MAPKAPK2: variants seen among roughly 807,000 people sequenced by gnomAD.
MAPKAPK2 encodes the protein MAPK activated protein kinase 2, also known as MAP kinase-activated protein kinase 2.
A neutral mutation model predicts 48.8 loss-of-function variants in MAPKAPK2; 9 were observed. That is an observed-to-expected ratio of 0.18 (90% CI 0.11 to 0.32). MAPKAPK2 has a LOEUF of 0.32. Among genes scored for constraint, MAPKAPK2 ranks in the 10% least tolerant of loss-of-function variants. The pLI, the probability that MAPKAPK2 is intolerant of heterozygous loss-of-function variation, is 1.00. For missense variants in MAPKAPK2, 331 were observed against 498.3 expected (o/e 0.66, Z 3.20); for synonymous variants, 202 against 190.6 (o/e 1.06, Z -0.49).
At chr1:206,685,834 C>G (rs1672271978) in intron 1 of MAPKAPK2, among the ~76,000 whole-genome samples, 1 of 152,088 alleles carries the variant, frequency 6.6e-6, no homozygotes, top group East Asian at 1.9e-4. Flanking sequence ...TAATTTCACT[C>G]CATCTCAAGG....
In MAPKAPK2 at chr1:206,727,696, C is replaced by T. The variant is rs562043828; in HGVS notation, c.280-1014C>T. Among the ~76,000 whole-genome samples, 37 of 152,246 alleles carry T rather than the reference C, an allele frequency of 2.4e-4. No homozygotes were observed. In the South Asian group the frequency reaches 7.7e-3, roughly 32 times the overall value. On this transcript the variant is annotated intron_variant, in intron 1 of 9. Coordinates refer to ENST00000367103, the MANE Select transcript of MAPKAPK2 (RefSeq NM_032960.4). Reference sequence around the variant, plus strand: ...AGTGCAGTGGCGTGATCTCGGCTCGCTGCAAGCTCCACCTCTCAGGGTTCA... The same window carrying T: ...AGTGCAGTGGCGTGATCTCGGCTCGTTGCAAGCTCCACCTCTCAGGGTTCA...
At chr1:206,716,599 T>C (rs989142097) in intron 1 of MAPKAPK2, among the ~76,000 whole-genome samples, 9 of 152,164 alleles carry the variant, frequency 5.9e-5, no homozygotes, top group Non-Finnish European at 8.8e-5. Flanking sequence ...TATACGTTGC[T>C]GTGAGTCTCA....
At chr1:206,720,080 TCTC>T (rs1167641325) in intron 1 of MAPKAPK2, among the ~76,000 whole-genome samples, 2 of 152,180 alleles carry the variant, frequency 1.3e-5, no homozygotes, top group African/African-American at 2.4e-5. Flanking sequence ...TGCTCATGTG[TCTC>T]CTCCTGTGTC....
intron 1 of MAPKAPK2, among the ~76,000 whole-genome samples, chr1:206,698,965 G>GGGTCCTT (rs1672711281): frequency 6.6e-6 from 1 of 152,142 alleles, no homozygotes; most frequent in African/African-American, 2.4e-5. Context: ...ATGGTCCTTT[G>GGGTCCTT]TGACTCCATT....
intron 1 of MAPKAPK2, among the ~76,000 whole-genome samples, chr1:206,727,134 T>G (rs797035065): frequency 3.3e-5 from 5 of 152,150 alleles, no homozygotes; most frequent in African/African-American, 1.2e-4. Flanking sequence ...TGACTTCCCA[T>G]GAAGATGCTA....
intron 1 of MAPKAPK2, among the ~76,000 whole-genome samples, chr1:206,696,457 G>A (rs1205306167): frequency 1.3e-5 from 2 of 152,174 alleles, no homozygotes; most frequent in African/African-American, 4.8e-5. Context: ...TAATCTCAGT[G>A]CTTTGGAAGG....
Position 206,731,949 on chromosome 1 carries a change from C to T in MAPKAPK2, c.1059+30C>T, listed in dbSNP as rs782603935. ...GGGGCACCACTGGGTGAGAGGGGCTCCAGGTGGGGTGGGCGGCTTGCGGGG... is the reference window on the plus strand; with the variant it reads ...GGGGCACCACTGGGTGAGAGGGGCTTCAGGTGGGGTGGGCGGCTTGCGGGG... On this transcript the variant is annotated intron_variant, in intron 9 of 9. Coordinates refer to ENST00000367103, the MANE Select transcript of MAPKAPK2 (RefSeq NM_032960.4). The surrounding 1 kb of genome is among the most constrained non-coding windows in gnomAD (Gnocchi z 5.9). The T allele has an allele frequency of 3.7e-6, 6 of 1,614,060 alleles. No homozygotes were observed. The East Asian group carries it at 6.7e-5, about 18-fold the overall frequency.
At chr1:206,724,549 CT>C (rs11405091) in intron 1 of MAPKAPK2, among the ~76,000 whole-genome samples, 2,835 of 134,490 alleles carry the variant, frequency 0.021, 54 homozygotes, top group African/African-American at 0.071. Flanking sequence ...ATGACCAGTC[CT>C]TTTTTTTTTT....
At chr1:206,725,897 C>T (rs1396230182) in intron 1 of MAPKAPK2, among the ~76,000 whole-genome samples, 1 of 151,974 alleles carries the variant, frequency 6.6e-6, no homozygotes, top group Non-Finnish European at 1.5e-5. Flanking sequence ...TCTTCTTCTG[C>T]CCCCCACTAG....
intron 1 of MAPKAPK2, among the ~76,000 whole-genome samples, chr1:206,714,004 G>A (rs781847821): frequency 5.3e-5 from 8 of 152,192 alleles, no homozygotes; most frequent in Non-Finnish European, 1.2e-4. Context: ...GAGAGAGTCT[G>A]AGGATGAGTA....
intron 1 of MAPKAPK2, among the ~76,000 whole-genome samples, chr1:206,706,301 A>G (rs1256779781): frequency 2.6e-5 from 4 of 151,912 alleles, no homozygotes; most frequent in Admixed American, 2.6e-4. Context: ...GGCCACAGCC[A>G]CAGAGACCCA....
intron 1 of MAPKAPK2, chr1:206,696,356 C>T (rs1553427068): frequency 4.3e-5 from 30 of 698,892 alleles, no homozygotes; most frequent in Non-Finnish European, 7.8e-6. Context: ...TGAAAACCTA[C>T]ATCTTCATTA....
rs186406351 is a variant in MAPKAPK2, at chr1:206,731,733, C to T, written c.978+8C>T. 6.2e-6 allele frequency: 10 copies of T among 1,613,936 alleles called. No homozygotes were observed. Among genetic ancestry groups the T allele is most frequent in the South Asian group, 2.2e-5 (2 of 91,066 alleles). On this transcript the variant is annotated splice_region_variant and intron_variant, in intron 8 of 9. Transcript: ENST00000367103. The surrounding 1 kb of genome is among the most constrained non-coding windows in gnomAD (Gnocchi z 5.9). ...AACCACCCTTGGATCATGGTAAGCT[C>T]GGCAGGCTGGGGAGCCTTGGGTCTC...
chr1:206,722,253 G>T (rs1040525590), intron 1 of MAPKAPK2, among the ~76,000 whole-genome samples: 1 of 152,034 alleles, frequency 6.6e-6, no homozygotes, highest in Admixed American at 6.6e-5. Context: ...CCAGCTACTC[G>T]GGAAGCTGAG....
chr1:206,728,137 C>G (rs1673767715), intron 1 of MAPKAPK2, among the ~76,000 whole-genome samples: 1 of 152,184 alleles, frequency 6.6e-6, no homozygotes, highest in South Asian at 2.1e-4. Context: ...GTAACTTGCT[C>G]AAGCTTGGAA....
In MAPKAPK2 at chr1:206,732,831, A is replaced by G. The variant is rs1315601232; in HGVS notation, c.*113A>G. ...TCTGCCTCCTCTCCTCCTCAGCTGC[A>G]TGGAGCCTGGAACTGCATCAGTGAC... On this transcript the variant is annotated 3_prime_UTR_variant, in exon 10 of 10. Transcript: ENST00000367103. This position sits in a 1 kb window ranked among gnomAD's most constrained non-coding sequence, Gnocchi z 4.4. 3.2e-5 allele frequency: 40 copies of G among 1,256,506 alleles called. No individual in the cohort carries two copies. Among genetic ancestry groups the G allele is most frequent in the Non-Finnish European group, 4.3e-5 (39 of 905,116 alleles). The allele number at this position is 1,256,506 out of a possible 1,614,324, so 77.8% of individuals were successfully genotyped here.
In MAPKAPK2 at chr1:206,731,527, C is replaced by T; in HGVS notation, c.893-113C>T. On this transcript the variant is annotated intron_variant, in intron 7 of 9. Coordinates refer to ENST00000367103, the MANE Select transcript of MAPKAPK2 (RefSeq NM_032960.4). This position sits in a 1 kb window ranked among gnomAD's most constrained non-coding sequence, Gnocchi z 5.9. ...TCCTTGGGGCCAGTTGCTCCGGCAG[C>T]CTGCCTCCATGCACCCCCTCTTTGA... 1 of 1,124,426 alleles carries T rather than the reference C, an allele frequency of 8.9e-7. No homozygotes were observed. 69.7% of individuals were successfully genotyped at this position (1,124,426 alleles called of 1,614,324 possible).
chr1:206,727,774 A>G (rs1572513772), intron 1 of MAPKAPK2, among the ~76,000 whole-genome samples: 1 of 152,180 alleles, frequency 6.6e-6, no homozygotes, highest in East Asian at 1.9e-4. Context: ...GTCGCCTGCC[A>G]CCATGCCTGG....
intron 1 of MAPKAPK2, among the ~76,000 whole-genome samples, chr1:206,713,461 G>A (rs1290406567): frequency 6.6e-6 from 1 of 152,232 alleles, no homozygotes; most frequent in Non-Finnish European, 1.5e-5. Flanking sequence ...TATCATGTCA[G>A]CCAGTGGAGA....
Sources: allele counts gnomAD v4.1 joint callset (sites outside exome capture counted in the v4.1 genomes callset), GRCh38; gene constraint gnomAD v4.1.1; non-coding constraint Gnocchi (gnomAD v3.1); transcripts MANE v1.5; gene names NCBI Gene and HGNC (gene_info 2026-07-23, HGNC 2026-07-21).